STK10: variants seen among roughly 807,000 people sequenced by gnomAD.
STK10 encodes serine/threonine-protein kinase 10.
In STK10, 78 loss-of-function variants were observed where a neutral mutation model predicts 113.8. That is an observed-to-expected ratio of 0.69 (90% CI 0.57 to 0.83). The LOEUF (loss-of-function observed/expected upper bound fraction) is 0.83, where lower values mean the gene tolerates loss of function less well. STK10 is among the 40% of genes least tolerant of loss of function. STK10 has a pLI of 0.00. For synonymous variants in STK10, 465 were observed against 494.7 expected (o/e 0.94, Z 0.80); for missense variants, 1,109 against 1,280.1 (o/e 0.87, Z 2.04).
At chr5:172,111,319 T>G (rs1270008395) in intron 4 of STK10, among the ~76,000 whole-genome samples, 1 of 151,988 alleles carries the variant, frequency 6.6e-6, no homozygotes, top group African/African-American at 2.4e-5. Flanking sequence ...TCCCAAAAGG[T>G]GGCCACTCCC....
At chr5:172,070,721 G>A (rs546194904) in intron 12 of STK10, among the ~76,000 whole-genome samples, 4 of 152,010 alleles carry the variant, frequency 2.6e-5, no homozygotes, top group African/African-American at 4.8e-5. Context: ...TAGACTGACA[G>A]GGAAGGAGGA....
intron 10 of STK10, among the ~76,000 whole-genome samples, chr5:172,087,645 G>GATA (rs775441709): frequency 3.1e-3 from 384 of 123,216 alleles, no homozygotes; most frequent in Middle Eastern, 9.5e-3. Flanking sequence ...TTTTTGAGAC[G>GATA]GAGTCTCGCT....
chr5:172,167,172 GAAAA>G (rs1334826225), intron 1 of STK10, among the ~76,000 whole-genome samples: 15 of 146,604 alleles, frequency 1.0e-4, no homozygotes, highest in Admixed American at 8.8e-4. Context: ...AAAAAAAAAA[GAAAA>G]AAAAGAAAGG....
chr5:172,122,197 G>A (rs1350360943), intron 3 of STK10, among the ~76,000 whole-genome samples: 1 of 151,972 alleles, frequency 6.6e-6, no homozygotes, highest in Non-Finnish European at 1.5e-5. Flanking sequence ...GATTATTGAG[G>A]TATAATTTAC....
At chr5:172,157,496 C>T (rs374695297) in intron 1 of STK10, among the ~76,000 whole-genome samples, 6 of 152,244 alleles carry the variant, frequency 3.9e-5, no homozygotes, top group African/African-American at 1.4e-4. Context: ...GCAGAGGTTG[C>T]AGTGAGCAGA....
At chr5:172,053,175 A>C (rs1464263135) in intron 17 of STK10, 133 bp from the exon 18 acceptor site, 3 of 684,014 alleles carry the variant, frequency 4.4e-6, no homozygotes, top group Non-Finnish European at 5.0e-6. Context: ...TATAAATCCC[A>C]TTTATTCAAA....
chr5:172,177,789 A>G (rs1172735083), intron 1 of STK10, among the ~76,000 whole-genome samples: 1 of 152,160 alleles, frequency 6.6e-6, no homozygotes, highest in Non-Finnish European at 1.5e-5. Context: ...GGACAGCATC[A>G]TTAGCCCAGA....
At chr5:172,164,995 C>A (rs1290189367) in intron 1 of STK10, among the ~76,000 whole-genome samples, 2 of 152,176 alleles carry the variant, frequency 1.3e-5, no homozygotes, top group Non-Finnish European at 2.9e-5. Flanking sequence ...TCTGTGGGAA[C>A]AATCCTCCCC....
Position 172,053,038 on chromosome 5 carries a change from T to G in STK10, c.2657A>C (p.Glu886Ala), listed in dbSNP as rs1380524414. 8 of 1,613,994 alleles carry G rather than the reference T, an allele frequency of 5.0e-6. No homozygotes were observed. The highest frequency in any genetic ancestry group is 6.8e-6 in the Non-Finnish European group (8 of 1,179,916). ...NMSELQQLQN[E>A]KCHLLVEHET... Reference sequence around the variant, plus strand: ...GTGCTCTACCAGGAGGTGGCACTTTTCATTCTGGAACAGATTCCAGGCAGA... The same window carrying G: ...GTGCTCTACCAGGAGGTGGCACTTTGCATTCTGGAACAGATTCCAGGCAGA... The change falls in exon 18 of 19, where the codon GAA becomes GCA. Residue 886 changes from glutamate (E) to alanine (A), a missense_variant. By Grantham distance (107) the Glu-to-Ala change is moderately radical (BLOSUM62 -1). Around this residue, in one of 5 missense-constraint regions of STK10, gnomAD observed 885 missense variants for 991.1 expected, o/e 0.89. Coordinates refer to ENST00000176763, the MANE Select transcript of STK10 (RefSeq NM_005990.4).
Position 172,126,713 on chromosome 5 carries a change from G to T in STK10, c.370+660C>A, listed in dbSNP as rs80193726. On this transcript the variant is annotated intron_variant, in intron 3 of 18. Coordinates refer to ENST00000176763, the MANE Select transcript of STK10 (RefSeq NM_005990.4). ...CTAACATTTCACTGTGATCATCGTCGTCATTATTGCTCAAGCTTGCCCAGG... is the reference window on the plus strand; with the variant it reads ...CTAACATTTCACTGTGATCATCGTCTTCATTATTGCTCAAGCTTGCCCAGG... Among the ~76,000 whole-genome samples, 1,219 of 152,296 alleles carry T rather than the reference G, an allele frequency of 8.0e-3. 27 individuals carry two copies. Among genetic ancestry groups the T allele is most frequent in the African/African-American group, 0.028 (1,171 of 41,548 alleles).
chr5:172,086,705 G>A (rs1237648952), intron 10 of STK10, among the ~76,000 whole-genome samples: 1 of 152,250 alleles, frequency 6.6e-6, no homozygotes, highest in Admixed American at 6.5e-5. Context: ...GGGATGATCA[G>A]GGCCTTCCAC....
At chr5:172,177,183 AG>A (rs10711320) in intron 1 of STK10, among the ~76,000 whole-genome samples, 10,853 of 150,970 alleles carry the variant, frequency 0.072, 1,306 homozygotes, top group African/African-American at 0.25. Context: ...AAAAAAAAAA[AG>A]AAAAGACCCT....
chr5:172,051,742 AAG>A (rs1237643715), intron 18 of STK10, among the ~76,000 whole-genome samples: 2 of 152,146 alleles, frequency 1.3e-5, no homozygotes, highest in Non-Finnish European at 2.9e-5. Flanking sequence ...GCAGGCGAGG[AAG>A]AGAGTGACTG....
chr5:172,046,736 G>A (rs1767503390), intron 18 of STK10, among the ~76,000 whole-genome samples: 1 of 152,150 alleles, frequency 6.6e-6, no homozygotes, highest in African/African-American at 2.4e-5. Flanking sequence ...TCTCTATTGT[G>A]ACTACTCAAC....
At chr5:172,141,446 T>A (rs1268125550) in intron 2 of STK10, among the ~76,000 whole-genome samples, 2 of 151,908 alleles carry the variant, frequency 1.3e-5, no homozygotes. Context: ...CCAGGCATAG[T>A]GGTGCGTGCC....
intron 5 of STK10, among the ~76,000 whole-genome samples, chr5:172,107,566 AT>A (rs1769142564): frequency 6.6e-6 from 1 of 152,220 alleles, no homozygotes; most frequent in Non-Finnish European, 1.5e-5. Context: ...CAGTAGCCTT[AT>A]TAAGTAGGGG....
Position 172,083,008 on chromosome 5 carries a change from C to A in STK10, c.1762G>T (p.Glu588Ter), listed in dbSNP as rs918464052. The A allele has an allele frequency of 1.1e-5, 18 of 1,614,048 alleles. No individual in the cohort carries two copies. The highest frequency in any genetic ancestry group is 1.5e-5 in the Non-Finnish European group (18 of 1,180,024). Residue 588 changes from glutamate (E) to a stop codon, truncating the protein, a stop_gained, in exon 11 of 19, where the codon GAG becomes TAG. Coordinates refer to ENST00000176763, the MANE Select transcript of STK10 (RefSeq NM_005990.4). LOFTEE classifies it high-confidence loss of function. ...RNQTQLSNKH[E>*]LQLEQMHKRF... is the part of the protein sequence containing the mutation. ...TTATGCATTTGCTCCAGCTGCAGCTCATGCTTGTTACTCAGCTGGGTCTGG... is the reference window on the plus strand; with the variant it reads ...TTATGCATTTGCTCCAGCTGCAGCTAATGCTTGTTACTCAGCTGGGTCTGG...
chr5:172,154,157 TA>T (rs992344161), intron 2 of STK10, among the ~76,000 whole-genome samples: 4 of 152,212 alleles, frequency 2.6e-5, no homozygotes, highest in African/African-American at 9.7e-5. Context: ...GGCCCTACCT[TA>T]AAACGCCAAT....
intron 12 of STK10, among the ~76,000 whole-genome samples, chr5:172,072,135 C>T (rs1768196542): frequency 6.6e-6 from 1 of 152,182 alleles, no homozygotes; most frequent in Admixed American, 6.5e-5. Flanking sequence ...TTTATATCAA[C>T]AGACTAACAG....
Sources: gnomAD v4.1 joint callset for allele counts (sites outside exome capture counted in the v4.1 genomes callset) on GRCh38, gnomAD v4.1.1 for gene constraint, gnomAD v4.1.1 regional missense constraint, MANE v1.5 for transcripts, NCBI Gene and HGNC (gene_info 2026-07-23, HGNC 2026-07-21) for gene names.